The following HCN1 variants were observed in gnomAD, a reference collection of about 807,000 sequenced individuals.
HCN1 encodes the protein potassium/sodium hyperpolarization-activated cyclic nucleotide-gated channel 1.
HCN1 carries 13 observed loss-of-function variants against 78.9 expected under a neutral mutation model. That is an observed-to-expected ratio of 0.16 (90% CI 0.11 to 0.26). The LOEUF is 0.26. Ranked by LOEUF, HCN1 falls within the 10% of genes least tolerant of loss-of-function variation. The pLI is 1.00. For synonymous variants in HCN1, 552 were observed against 455.5 expected, an observed-to-expected ratio of 1.21 and a Z score of -2.70; for missense variants, 810 against 1,154.3, an observed-to-expected ratio of 0.70 and a Z score of 4.32.
intron 4 of HCN1, among the ~76,000 whole-genome samples, chr5:45,372,115 T>TTATA (rs1377811791): frequency 4.1e-4 from 21 of 51,446 alleles, no homozygotes; most frequent in Non-Finnish European, 5.7e-4. Flanking sequence ...TATAATATAA[T>TTATA]TATATATTAT....
intron 6 of HCN1, among the ~76,000 whole-genome samples, chr5:45,292,376 A>G (rs1745396746): frequency 1.3e-5 from 2 of 152,050 alleles, no homozygotes; most frequent in African/African-American, 2.4e-5. Flanking sequence ...CTCAACTGCT[A>G]TATATTGACA....
intron 2 of HCN1, among the ~76,000 whole-genome samples, chr5:45,512,754 G>C (rs1477204088): frequency 1.3e-5 from 2 of 151,954 alleles, no homozygotes; most frequent in Non-Finnish European, 2.9e-5. Flanking sequence ...GAGGAATTCA[G>C]AAGATAAGAT....
At chr5:45,461,009 C>A (rs1741143504) in intron 3 of HCN1, among the ~76,000 whole-genome samples, 1 of 151,700 alleles carries the variant, frequency 6.6e-6, no homozygotes, top group Non-Finnish European at 1.5e-5. Flanking sequence ...GAGGGCTATT[C>A]ACAGTTAAAC....
At position 45,448,918 on chromosome 5, in the gene HCN1, A is replaced by T. The variant is rs930065022; in HGVS notation, c.1011+12928T>A. On this transcript the variant is annotated intron_variant, in intron 3 of 7. Transcript: ENST00000303230. ...CACTTGAGGTCAGGAATTTGAGACC[A>T]GCCTGGCCAACATGGGAAAATCCTG... 2.0e-5 allele frequency among the ~76,000 whole-genome samples: 3 copies of T among 152,198 alleles called. No individual in the cohort carries two copies. The East Asian group carries it at 5.8e-4, about 29-fold the overall frequency.
chr5:45,271,304 G>A lies in HCN1; in HGVS notation c.1619-4051C>T, dbSNP rs112998071. Among the ~76,000 whole-genome samples, 1,434 of 151,636 alleles carry A rather than the reference G, an allele frequency of 9.5e-3. 21 individuals are homozygous for A. Among genetic ancestry groups the A allele is most frequent in the African/African-American group, 0.033 (1,383 of 41,316 alleles). On this transcript the variant is annotated intron_variant, in intron 6 of 7. Coordinates refer to ENST00000303230, the MANE Select transcript of HCN1 (RefSeq NM_021072.4). ...CTTTCTTGCCAGTTAATGAGGTAGA[G>A]TGCTGTTTGGGGCATTGTCTACAGC...
At chr5:45,285,649 C>T (rs970261089) in intron 6 of HCN1, among the ~76,000 whole-genome samples, 4 of 151,868 alleles carry the variant, frequency 2.6e-5, no homozygotes, top group African/African-American at 9.7e-5. Context: ...AAAATGTAGC[C>T]AAGATCAATC....
chr5:45,586,681 G>GT (rs1177896533), intron 2 of HCN1, among the ~76,000 whole-genome samples: 2 of 151,934 alleles, frequency 1.3e-5, no homozygotes, highest in African/African-American at 2.4e-5. Flanking sequence ...TCCTATTGTT[G>GT]TTTTAAGCCA....
chr5:45,407,865 G>C, intron 3 of HCN1, among the ~76,000 whole-genome samples: 1 of 152,112 alleles, frequency 6.6e-6, no homozygotes, highest in East Asian at 1.9e-4. Context: ...TACTGCTCCT[G>C]AAGACATTCC....
At chr5:45,301,539 G>T (rs1239871972) in intron 6 of HCN1, among the ~76,000 whole-genome samples, 3 of 151,268 alleles carry the variant, frequency 2.0e-5, no homozygotes, top group Non-Finnish European at 4.4e-5. Context: ...GGCAAATGGT[G>T]ACATCCCGTC....
At chr5:45,327,717 G>T (rs1746263809) in intron 5 of HCN1, among the ~76,000 whole-genome samples, 1 of 151,460 alleles carries the variant, frequency 6.6e-6, no homozygotes, top group Admixed American at 6.6e-5. Context: ...ATTAACTAGG[G>T]TGGGCCATAA....
intron 5 of HCN1, among the ~76,000 whole-genome samples, chr5:45,333,848 G>T (rs62367529): frequency 0.068 from 10,316 of 151,742 alleles, 482 homozygotes; most frequent in East Asian, 0.13. Flanking sequence ...GTGTACAAGG[G>T]TTCCCTTTTC....
rs188261487 is a variant in HCN1 at position 45,324,953 on chromosome 5, C to T, written c.1378-21114G>A. 3.3e-5 allele frequency among the ~76,000 whole-genome samples: 5 copies of T among 151,702 alleles called. No individual in the cohort carries two copies. In the Admixed American group the frequency reaches 3.3e-4, roughly 10 times the overall value. ...TACTCCTTTGGAGCAGTCCTTAGTG[C>T]CCAAGGAAATGACAGCTCAGAAATG... is the stretch of plus-strand genomic sequence containing the variant. On this transcript the variant is annotated intron_variant, in intron 5 of 7. Transcript: ENST00000303230.
intron 5 of HCN1, among the ~76,000 whole-genome samples, chr5:45,341,917 G>A (rs1353541199): frequency 1.3e-5 from 2 of 152,126 alleles, no homozygotes; most frequent in Non-Finnish European, 2.9e-5. Flanking sequence ...GTTTTGATGG[G>A]AGATCATTAG....
intron 3 of HCN1, among the ~76,000 whole-genome samples, chr5:45,451,335 G>C (rs1171320096): frequency 6.6e-6 from 1 of 151,974 alleles, no homozygotes; most frequent in African/African-American, 2.4e-5. Context: ...GAAAAATATA[G>C]AGAAATAATA....
intron 1 of HCN1, among the ~76,000 whole-genome samples, chr5:45,676,388 G>A (rs1408990545): frequency 1.3e-5 from 2 of 151,626 alleles, no homozygotes; most frequent in East Asian, 3.9e-4. Context: ...AGATACATTA[G>A]AGATCATATT....
chr5:45,417,552 A>G (rs528528568), intron 3 of HCN1, among the ~76,000 whole-genome samples: 1 of 151,998 alleles, frequency 6.6e-6, no homozygotes, highest in Admixed American at 6.6e-5. Flanking sequence ...GTGACTGGAA[A>G]GAATACAGTG....
chr5:45,486,504 G>A (rs1423121651), intron 2 of HCN1, among the ~76,000 whole-genome samples: 2 of 151,964 alleles, frequency 1.3e-5, no homozygotes, highest in Admixed American at 6.6e-5. Context: ...ACTCTCATGG[G>A]GTGTATTCAG....
At chr5:45,335,373 C>T (rs1296546494) in intron 5 of HCN1, among the ~76,000 whole-genome samples, 1 of 151,996 alleles carries the variant, frequency 6.6e-6, no homozygotes, top group African/African-American at 2.4e-5. Flanking sequence ...AAATATACTG[C>T]CAGCATTTAT....
At chr5:45,412,887 C>T (rs183954848) in intron 3 of HCN1, among the ~76,000 whole-genome samples, 50 of 152,056 alleles carry the variant, frequency 3.3e-4, no homozygotes, top group Admixed American at 1.1e-3. Context: ...GTTGGACCCT[C>T]CAATTAAAAG....
Sources: gnomAD v4.1 joint callset for allele counts (sites outside exome capture counted in the v4.1 genomes callset) on GRCh38, gnomAD v4.1.1 for gene constraint, MANE v1.5 for transcripts, NCBI Gene and HGNC (gene_info 2026-07-23, HGNC 2026-07-21) for gene names.